DIAPH2: variants seen among roughly 807,000 people sequenced by gnomAD.
The protein encoded by DIAPH2 is protein diaphanous homolog 2.
A neutral mutation model predicts 92.7 loss-of-function variants in DIAPH2; 35 were observed. The ratio of observed to expected loss-of-function variants is 0.38; its 90% CI spans 0.29 to 0.50. The LOEUF is 0.50. DIAPH2 is among the 20% of genes least tolerant of loss of function. DIAPH2 has a pLI of 0.94. For missense variants in DIAPH2, 701 were observed against 819.5 expected (o/e 0.86, Z 1.77); for synonymous variants, 301 against 280.4 (o/e 1.07, Z -0.73).
chrX:96,684,941 T>A lies in DIAPH2; in HGVS notation c.-118T>A. ...AATCGGCAGCTTCCCGGGCAGACACTCTCTCCCTCAGGAAGAGGTGCCGCC... is the reference window on the plus strand; with the variant it reads ...AATCGGCAGCTTCCCGGGCAGACACACTCTCCCTCAGGAAGAGGTGCCGCC... On this transcript the variant is annotated 5_prime_UTR_variant, in exon 1 of 27. Transcript: ENST00000324765. The A allele has an allele frequency of 1.2e-6, 1 of 855,799 alleles. No individual in the cohort carries two copies. Among genetic ancestry groups the A allele is most frequent in the Non-Finnish European group, 1.5e-6 (1 of 674,336 alleles). 70.5% of individuals were successfully genotyped at this position (855,799 alleles called of 1,213,427 possible).
intron 26 of DIAPH2, among the ~76,000 whole-genome samples, chrX:97,487,595 C>T (rs1354044267): frequency 9.0e-6 from 1 of 111,688 alleles, no homozygotes; most frequent in Non-Finnish European, 1.9e-5. Flanking sequence ...GGACATATCC[C>T]CAGAAGAGGG....
At chrX:96,822,602 A>G (rs1000562832) in intron 4 of DIAPH2, among the ~76,000 whole-genome samples, 1 of 112,052 alleles carries the variant, frequency 8.9e-6, no homozygotes, top group Non-Finnish European at 1.9e-5. Context: ...CATTTACCAG[A>G]ATAAGCTTCA....
intron 23 of DIAPH2, among the ~76,000 whole-genome samples, chrX:97,343,868 C>G (rs755782139): frequency 9.0e-6 from 1 of 111,014 alleles, no homozygotes; most frequent in Non-Finnish European, 1.9e-5. Context: ...ATGAAGGTCA[C>G]TATTATTGTA....
intron 23 of DIAPH2, among the ~76,000 whole-genome samples, chrX:97,302,055 A>T (rs1385106563): frequency 9.3e-6 from 1 of 107,796 alleles, no homozygotes; most frequent in East Asian, 2.9e-4. Context: ...TCTACTAAAA[A>T]TACAAAAATT....
intron 26 of DIAPH2, among the ~76,000 whole-genome samples, chrX:97,432,405 G>A (rs769116360): frequency 3.6e-5 from 4 of 110,370 alleles, no homozygotes; most frequent in Non-Finnish European, 7.6e-5. Flanking sequence ...AGAGATTCTC[G>A]TGCCTCAGCC....
chrX:97,313,420 A>G (rs1327846201), intron 23 of DIAPH2, among the ~76,000 whole-genome samples: 2 of 111,847 alleles, frequency 1.8e-5, no homozygotes, highest in Non-Finnish European at 3.8e-5. Flanking sequence ...ACATGGTTTG[A>G]AAAATGTGAT....
intron 22 of DIAPH2, among the ~76,000 whole-genome samples, chrX:97,175,264 C>G (rs1007296239): frequency 9.0e-5 from 10 of 111,320 alleles, no homozygotes; most frequent in African/African-American, 3.3e-4. Flanking sequence ...AACATTTTCT[C>G]GAACACTAAA....
intron 24 of DIAPH2, among the ~76,000 whole-genome samples, chrX:97,373,197 C>T (rs2069464921): frequency 9.0e-6 from 1 of 111,328 alleles, no homozygotes; most frequent in Non-Finnish European, 1.9e-5. Flanking sequence ...ACGCTAAGCA[C>T]TGGCATTTTT....
intron 4 of DIAPH2, among the ~76,000 whole-genome samples, chrX:96,867,411 G>T (rs147967573): frequency 0.011 from 1,186 of 110,592 alleles, 23 homozygotes; most frequent in African/African-American, 0.036. Flanking sequence ...GTAGAGACAG[G>T]GTTTTACCAC....
At chrX:97,392,682 G>A (rs775337400) in intron 25 of DIAPH2, among the ~76,000 whole-genome samples, 7 of 111,525 alleles carry the variant, frequency 6.3e-5, no homozygotes, top group Non-Finnish European at 1.3e-4. Context: ...TAGGATATGT[G>A]TATAGCCCAC....
At chrX:97,302,194 A>G (rs1297998576) in intron 23 of DIAPH2, among the ~76,000 whole-genome samples, 1 of 71,934 alleles carries the variant, frequency 1.4e-5, no homozygotes, top group East Asian at 5.2e-4. Flanking sequence ...GCCTGACGAT[A>G]GAGCAAGACT....
intron 4 of DIAPH2, among the ~76,000 whole-genome samples, chrX:96,879,895 AT>A (rs1292338462): frequency 9.0e-6 from 1 of 110,530 alleles, no homozygotes; most frequent in Non-Finnish European, 1.9e-5. Context: ...ATGCCAGCTA[AT>A]TTTTGTATTT....
rs139200697 is a variant in DIAPH2, at chrX:97,149,784, C to T, written c.2719+7990C>T. On this transcript the variant is annotated intron_variant, in intron 22 of 26. Transcript: ENST00000324765. ...AGTAACTTAAACAATTTTTGCTGAA[C>T]GAATTGTACTCTATCAATAGCAACA... 6.4e-4 allele frequency among the ~76,000 whole-genome samples: 57 copies of T among 88,453 alleles called. No individual in the cohort carries two copies. In the East Asian group the frequency reaches 0.02, roughly 31 times the overall value. 76.8% of individuals were successfully genotyped at this position (88,453 alleles called of 115,157 possible).
At chrX:96,963,096 A>C (rs1198617387) in intron 16 of DIAPH2, among the ~76,000 whole-genome samples, 1 of 111,956 alleles carries the variant, frequency 8.9e-6, no homozygotes, top group Admixed American at 9.5e-5. Context: ...TTTGAGGGAT[A>C]GATTTGTTGG....
At chrX:97,569,137 G>T (rs2071347125) in intron 26 of DIAPH2, among the ~76,000 whole-genome samples, 1 of 111,448 alleles carries the variant, frequency 9.0e-6, no homozygotes, top group Non-Finnish European at 1.9e-5. Flanking sequence ...GACAGTGTCT[G>T]GAATGCTAAA....
At chrX:97,451,781 G>A (rs934909944) in intron 26 of DIAPH2, among the ~76,000 whole-genome samples, 1 of 111,235 alleles carries the variant, frequency 9.0e-6, no homozygotes, top group Non-Finnish European at 1.9e-5. Context: ...TTTAAAGTGT[G>A]CCTTTCCCCA....
chrX:97,208,467 G>C (rs555246675), intron 22 of DIAPH2, among the ~76,000 whole-genome samples: 11 of 111,867 alleles, frequency 9.8e-5, no homozygotes, highest in Middle Eastern at 4.7e-3. Flanking sequence ...TGCTTAATTT[G>C]TTTCAGTCTG....
chrX:97,400,705 C>T (rs2069748071), intron 25 of DIAPH2, among the ~76,000 whole-genome samples: 1 of 111,194 alleles, frequency 9.0e-6, no homozygotes, highest in Non-Finnish European at 1.9e-5. Flanking sequence ...TGGCAACCAC[C>T]ACTCTTTCTG....
chrX:96,902,957 TG>T (rs2065408304), intron 5 of DIAPH2, among the ~76,000 whole-genome samples: 1 of 111,638 alleles, frequency 9.0e-6, no homozygotes, highest in Non-Finnish European at 1.9e-5. Flanking sequence ...GTGCTAAAAA[TG>T]TCTGTGAACA....
Sources: gnomAD v4.1 joint callset for allele counts (sites outside exome capture counted in the v4.1 genomes callset) on GRCh38, gnomAD v4.1.1 for gene constraint, MANE v1.5 for transcripts, NCBI Gene and HGNC (gene_info 2026-07-23, HGNC 2026-07-21) for gene names.